Variants in RABGAP1L observed in about 807,000 individuals in gnomAD.
RABGAP1L encodes the protein RAB GTPase activating protein 1 like.
A neutral mutation model predicts 137.7 loss-of-function variants in RABGAP1L; 63 were observed. The observed-to-expected ratio is 0.46, with a 90% CI of 0.37 to 0.56. The LOEUF (loss-of-function observed/expected upper bound fraction) is 0.56, where lower values mean the gene tolerates loss of function less well. RABGAP1L is among the 20% of genes least tolerant of loss of function. The pLI, the probability that RABGAP1L is intolerant of heterozygous loss-of-function variation, is 0.00. For missense variants in RABGAP1L, 1,095 were observed against 1,244.0 expected (o/e 0.88, Z 1.80); for synonymous variants, 431 against 433.7 (o/e 0.99, Z 0.08).
At chr1:174,505,504 GC>G (rs1214521845) in intron 13 of RABGAP1L, among the ~76,000 whole-genome samples, 2 of 144,736 alleles carry the variant, frequency 1.4e-5, no homozygotes, top group Non-Finnish European at 3.0e-5. Flanking sequence ...CTGAATTTTT[GC>G]TTGTACTGAA....
intron 7 of RABGAP1L, among the ~76,000 whole-genome samples, chr1:174,253,479 CTATT>C (rs1456110564): frequency 1.3e-5 from 2 of 152,026 alleles, no homozygotes; most frequent in African/African-American, 2.4e-5. Context: ...AAAAGTATCA[CTATT>C]TAAGGACATT....
intron 19 of RABGAP1L, chr1:174,875,676 C>A: frequency 2.0e-6 from 2 of 985,374 alleles, no homozygotes; most frequent in Non-Finnish European, 1.2e-6. Flanking sequence ...TTCACAGTAT[C>A]TTTTAAAGTA....
At chr1:174,776,109 C>G (rs1272228322) in intron 18 of RABGAP1L, among the ~76,000 whole-genome samples, 1 of 152,148 alleles carries the variant, frequency 6.6e-6, no homozygotes, top group Non-Finnish European at 1.5e-5. Flanking sequence ...GTGGCTCACA[C>G]CTGTAATCCC....
chr1:174,214,621 C>T (rs1218556254), intron 1 of RABGAP1L, among the ~76,000 whole-genome samples: 1 of 152,020 alleles, frequency 6.6e-6, no homozygotes, highest in African/African-American at 2.4e-5. Flanking sequence ...ACAGCAAAAA[C>T]CAGTACTAGC....
intron 11 of RABGAP1L, among the ~76,000 whole-genome samples, chr1:174,358,978 TA>T (rs1683901608): frequency 1.3e-5 from 2 of 152,198 alleles, no homozygotes; most frequent in Non-Finnish European, 2.9e-5. Context: ...GGTATGGGCC[TA>T]GGGGGGCAGT....
At chr1:174,903,906 C>T (rs928526783) in intron 19 of RABGAP1L, among the ~76,000 whole-genome samples, 1 of 150,402 alleles carries the variant, frequency 6.6e-6, no homozygotes, top group South Asian at 2.1e-4. Flanking sequence ...GCTGAGATCG[C>T]GCCATTGCAC....
chr1:174,426,236 A>G (rs528685279), intron 13 of RABGAP1L, among the ~76,000 whole-genome samples: 86 of 152,194 alleles, frequency 5.7e-4, no homozygotes, highest in African/African-American at 1.9e-3. Context: ...AATGACATTC[A>G]GCTTGGGCGG....
At chr1:174,766,244 G>A (rs1685660721) in intron 18 of RABGAP1L, among the ~76,000 whole-genome samples, 1 of 152,170 alleles carries the variant, frequency 6.6e-6, no homozygotes. Context: ...CTGTTGTTAA[G>A]CCACCCAGTC....
At chr1:174,974,150 G>A (rs1401137522) in intron 21 of RABGAP1L, among the ~76,000 whole-genome samples, 2 of 151,882 alleles carry the variant, frequency 1.3e-5, no homozygotes, top group Non-Finnish European at 2.9e-5. Flanking sequence ...CACCATGCCC[G>A]GCTAATTTTT....
In RABGAP1L at chr1:174,702,187, TCTCA is replaced by T; in HGVS notation, c.2104_2107del (p.Thr702PhefsTer23). On this transcript the variant is annotated frameshift_variant, in exon 17 of 26. Transcript: ENST00000681986. LOFTEE classifies it high-confidence loss of function. ...CTCATATGTATGCATCCCAGTGGTT[TCTCA>T]CTCTTTTTACTGCCAAGTTCCCACT... is the stretch of plus-strand genomic sequence containing the variant. The T allele has an allele frequency of 4.3e-6, 7 of 1,612,486 alleles. No individual in the cohort carries two copies. Among genetic ancestry groups the T allele is most frequent in the Non-Finnish European group, 5.9e-6 (7 of 1,179,034 alleles).
At chr1:174,940,930 C>T (rs1665762134) in intron 19 of RABGAP1L, among the ~76,000 whole-genome samples, 1 of 152,194 alleles carries the variant, frequency 6.6e-6, no homozygotes, top group Non-Finnish European at 1.5e-5. Flanking sequence ...ATGCTTTCAG[C>T]GATTGGCAGC....
At chr1:174,334,139 G>T (rs534501731) in intron 11 of RABGAP1L, among the ~76,000 whole-genome samples, 1 of 152,238 alleles carries the variant, frequency 6.6e-6, no homozygotes, top group East Asian at 1.9e-4. Context: ...AAATACTTTC[G>T]CTTCTTTCTT....
Position 174,683,654 on chromosome 1 carries a change from A to G in RABGAP1L, c.1899+58A>G, listed in dbSNP as rs368981788. 1,455 of 1,341,572 alleles carry G rather than the reference A, an allele frequency of 1.1e-3. 3 individuals carry two copies. The highest frequency in any genetic ancestry group is 1.2e-3 in the Non-Finnish European group (1,100 of 944,998). The allele number at this position is 1,341,572 out of a possible 1,614,324, so 83.1% of individuals were successfully genotyped here. ...TGCTGCCAAGTTTATTTTACTTTCT[A>G]CTGGCTTTGTTCTTCCTTCTTATTT... is the stretch of plus-strand genomic sequence containing the variant. On this transcript the variant is annotated intron_variant, in intron 15 of 25. Transcript: ENST00000681986.
chr1:174,977,984 T>G (rs920366330), intron 22 of RABGAP1L, among the ~76,000 whole-genome samples: 2 of 152,226 alleles, frequency 1.3e-5, no homozygotes, highest in Admixed American at 6.5e-5. Flanking sequence ...GATGCTTTAG[T>G]GCAGAACGCA....
intron 18 of RABGAP1L, among the ~76,000 whole-genome samples, chr1:174,808,306 G>A (rs1340468357): frequency 6.6e-6 from 1 of 151,914 alleles, no homozygotes; most frequent in African/African-American, 2.4e-5. Flanking sequence ...TTCTTAAAAC[G>A]TAGCTGGCAT....
chr1:174,427,995 G>A (rs998142186), intron 13 of RABGAP1L, among the ~76,000 whole-genome samples: 3 of 152,054 alleles, frequency 2.0e-5, no homozygotes, highest in African/African-American at 7.2e-5. Context: ...CCTGCAGTAC[G>A]GTCTTTTTGA....
intron 3 of RABGAP1L, among the ~76,000 whole-genome samples, chr1:174,221,890 T>C (rs1443370240): frequency 1.3e-5 from 2 of 152,214 alleles, no homozygotes; most frequent in African/African-American, 4.8e-5. Flanking sequence ...TACTGATTTT[T>C]AAAATTTCTT....
intron 11 of RABGAP1L, among the ~76,000 whole-genome samples, chr1:174,357,979 C>T (rs1683787081): frequency 6.6e-6 from 1 of 152,172 alleles, no homozygotes; most frequent in South Asian, 2.1e-4. Flanking sequence ...TTATCGTCCC[C>T]ATGTTAGATA....
intron 11 of RABGAP1L, among the ~76,000 whole-genome samples, chr1:174,305,956 T>A (rs1197191156): frequency 6.6e-6 from 1 of 152,080 alleles, no homozygotes; most frequent in African/African-American, 2.4e-5. Flanking sequence ...TGATGTTCCC[T>A]TCCTGTGTCC....
Sources: gnomAD v4.1 joint callset for allele counts (sites outside exome capture counted in the v4.1 genomes callset) on GRCh38, gnomAD v4.1.1 for gene constraint, MANE v1.5 for transcripts, NCBI Gene and HGNC (gene_info 2026-07-23, HGNC 2026-07-21) for gene names.